WDFY4: variants seen among roughly 807,000 people sequenced by gnomAD.
WDFY4 encodes the protein WD repeat- and FYVE domain-containing protein 4.
In WDFY4, 169 loss-of-function variants were observed where a neutral mutation model predicts 351.9. The observed-to-expected ratio is 0.48, with a 90% CI of 0.42 to 0.55. The LOEUF is 0.55. Among genes scored for constraint, WDFY4 ranks in the 20% least tolerant of loss-of-function variants. The probability of loss-of-function intolerance (pLI) is 0.00; values close to 1 mark genes in which losing one functional copy is unlikely to be tolerated. For synonymous variants in WDFY4, 1,622 were observed against 1,574.6 expected (o/e 1.03, Z -0.71); for missense variants, 3,803 against 3,935.6 (o/e 0.97, Z 0.90).
chr10:48,939,730 A>T (rs190495764), intron 47 of WDFY4, among the ~76,000 whole-genome samples: 7 of 152,232 alleles, frequency 4.6e-5, no homozygotes, highest in African/African-American at 9.6e-5. Flanking sequence ...CAATATTTTT[A>T]AAAAATAGAT....
At chr10:48,812,438 C>T (rs1215960146) in intron 30 of WDFY4, among the ~76,000 whole-genome samples, 1 of 152,142 alleles carries the variant, frequency 6.6e-6, no homozygotes, top group Non-Finnish European at 1.5e-5. Context: ...GATCCACCCT[C>T]CTTGGCCTCC....
chr10:48,786,926 T>G (rs1350923935), intron 20 of WDFY4, 56 bp downstream of exon 20: 1 of 1,461,096 alleles, frequency 6.8e-7, no homozygotes, highest in African/African-American at 1.4e-5. Context: ...TAAATGGACA[T>G]CCAGTTATTT....
In WDFY4 at chr10:48,715,900, C is replaced by T. The variant is rs2063894293; in HGVS notation, c.235-4111C>T. Among the ~76,000 whole-genome samples, 3 of 151,666 alleles carry T rather than the reference C, an allele frequency of 2.0e-5. No individual in the cohort carries two copies. The South Asian group carries it at 6.2e-4, about 32-fold the overall frequency. ...TCCTGACCTTGTGATCCACCTGCCT[C>T]GGCCTCCCAAAGTGCTGGGTTTACA... On this transcript the variant is annotated intron_variant, in intron 2 of 61. Transcript: ENST00000325239.
In WDFY4 at chr10:48,735,938, C is replaced by A; in HGVS notation, c.1746C>A (p.Cys582Ter). 6.4e-7 allele frequency: 1 copy of A among 1,551,762 alleles called. No individual in the cohort carries two copies. Among genetic ancestry groups the A allele is most frequent in the Non-Finnish European group, 8.7e-7 (1 of 1,147,020 alleles). The change falls in exon 11 of 62, where the codon TGC (cysteine) becomes TGA (stop). Residue 582 changes from cysteine (C) to a stop codon, truncating the protein, a stop_gained. Transcript: ENST00000325239. LOFTEE classifies it high-confidence loss of function. ...TCAAGATCTTCCTGGATGACGAGTG[C>A]TACCGGGAGGCCTCGCTCAGCATCT... The part of the protein sequence containing the change: ...PFIKIFLDDE[C>*]YREASLSILE...
rs144281484 is a variant in WDFY4 at position 48,881,198 on chromosome 10, G to A, written c.7167+3999G>A. On this transcript the variant is annotated intron_variant, in intron 43 of 61. Transcript: ENST00000325239. ...TTGCTGTTCCTTTCATAGCCCCATAGGATTTGTTCTCACTCTCCCAGAAGT... is the reference window on the plus strand; with the variant it reads ...TTGCTGTTCCTTTCATAGCCCCATAAGATTTGTTCTCACTCTCCCAGAAGT... 3.9e-5 allele frequency among the ~76,000 whole-genome samples: 6 copies of A among 152,348 alleles called. No individual in the cohort carries two copies. The East Asian group carries it at 1.2e-3, about 29-fold the overall frequency.
intron 20 of WDFY4, among the ~76,000 whole-genome samples, chr10:48,787,933 CTTCTTCTTCTTCTTCTT>C (rs2066518675): frequency 7.4e-5 from 7 of 93,984 alleles, no homozygotes; most frequent in South Asian, 8.1e-4. Flanking sequence ...TCTTCTTCTT[CTTCTTCTTCTTCTTCTT>C]CTTCTTCTTC....
intron 12 of WDFY4, among the ~76,000 whole-genome samples, chr10:48,748,825 C>T (rs368900088): frequency 2.0e-5 from 3 of 152,150 alleles, no homozygotes; most frequent in Non-Finnish European, 4.4e-5. Flanking sequence ...ACAGGGTGCT[C>T]GTCTCTGCCG....
rs1056457478 is a variant in WDFY4, at chr10:48,966,597, C to T, written c.8508C>T (p.Pro2836=). The part of the protein sequence containing the change: ...KPLPGKDVST[P]VSLPGHPQPF... Reference sequence around the variant, plus strand: ...TGCCTGGAAAGGATGTCTCCACCCCCGTGAGCCTGCCTGGCCACCCACAGC... The same window carrying T: ...TGCCTGGAAAGGATGTCTCCACCCCTGTGAGCCTGCCTGGCCACCCACAGC... Residue 2836 remains proline (P), a synonymous_variant, in exon 55 of 62, where the codon CCC becomes CCT. Coordinates refer to ENST00000325239, the MANE Select transcript of WDFY4 (RefSeq NM_001394531.1). 15 of 1,551,898 alleles carry T rather than the reference C, an allele frequency of 9.7e-6. No individual in the cohort carries two copies. Among genetic ancestry groups the T allele is most frequent in the Admixed American group, 3.9e-5 (2 of 50,992 alleles).
chr10:48,689,175 C>T (rs1391063490), intron 1 of WDFY4, among the ~76,000 whole-genome samples: 1 of 152,154 alleles, frequency 6.6e-6, no homozygotes, highest in Non-Finnish European at 1.5e-5. Flanking sequence ...GAGCTGCTAC[C>T]CGTTTTATTT....
chr10:48,731,503 G>A lies in WDFY4; in HGVS notation c.1523G>A (p.Gly508Glu). ...TTCACCGACATCTTCCGGGACTCAGGGCTCCTGGGCCTGCTACTGGCACAG... is the reference window on the plus strand; with the variant it reads ...TTCACCGACATCTTCCGGGACTCAGAGCTCCTGGGCCTGCTACTGGCACAG... ...PLFTDIFRDS[G>E]LLGLLLAQLR... The change falls in exon 9 of 62, where the codon GGG becomes GAG. Residue 508 changes from glycine to glutamate, a missense_variant. This residue lies in a region of WDFY4 where 261 missense variants were observed against 330.2 expected (regional missense o/e 0.79). Coordinates refer to ENST00000325239, the MANE Select transcript of WDFY4 (RefSeq NM_001394531.1). The A allele has an allele frequency of 6.4e-7, 1 of 1,551,554 alleles. No individual in the cohort carries two copies.
chr10:48,780,516 A>G (rs2066184990), intron 19 of WDFY4, among the ~76,000 whole-genome samples: 1 of 152,236 alleles, frequency 6.6e-6, no homozygotes, highest in Admixed American at 6.5e-5. Context: ...AGGCCAACGC[A>G]GCTCATCTTT....
intron 1 of WDFY4, among the ~76,000 whole-genome samples, chr10:48,687,974 G>A (rs982852907): frequency 4.6e-5 from 7 of 152,000 alleles, no homozygotes; most frequent in African/African-American, 1.7e-4. Flanking sequence ...GTAGGGATGG[G>A]GTTTCACTGT....
chr10:48,976,753 G>T, intron 58 of WDFY4, 44 bp from the exon 59 acceptor site: 1 of 1,306,064 alleles, frequency 7.7e-7, no homozygotes, highest in South Asian at 2.4e-5. Flanking sequence ...CTGATGGGCA[G>T]GCAGTGACTC....
chr10:48,852,974 A>C (rs1278581045), intron 39 of WDFY4, among the ~76,000 whole-genome samples: 1 of 152,280 alleles, frequency 6.6e-6, no homozygotes, highest in South Asian at 2.1e-4. Flanking sequence ...CTCGTCTGAA[A>C]TGATTCTTGC....
intron 47 of WDFY4, among the ~76,000 whole-genome samples, chr10:48,923,734 T>C (rs2133609079): frequency 6.6e-6 from 1 of 152,036 alleles, no homozygotes; most frequent in East Asian, 1.9e-4. Context: ...GTTGAAATAG[T>C]TCAAATCTAG....
intron 1 of WDFY4, among the ~76,000 whole-genome samples, chr10:48,689,963 CT>C (rs1319380734): frequency 6.6e-6 from 1 of 152,212 alleles, no homozygotes; most frequent in Non-Finnish European, 1.5e-5. Flanking sequence ...GGATTTGATC[CT>C]AGTTCCACCT....
intron 60 of WDFY4, chr10:48,978,671 G>T: frequency 2.9e-6 from 1 of 345,488 alleles, no homozygotes; most frequent in Non-Finnish European, 5.3e-6. Context: ...ATGAACACAG[G>T]TACAAACCTC....
At chr10:48,878,746 C>G (rs2070129301) in intron 43 of WDFY4, 1 of 152,798 alleles carries the variant, frequency 6.5e-6, no homozygotes, top group Admixed American at 6.5e-5. Flanking sequence ...TGTGTCGCCC[C>G]CTGCATCACC....
intron 39 of WDFY4, among the ~76,000 whole-genome samples, chr10:48,842,651 C>T (rs1407899624): frequency 6.6e-6 from 1 of 152,200 alleles, no homozygotes; most frequent in African/African-American, 2.4e-5. Context: ...CCTACCTCAG[C>T]TAGTTGATAA....
Sources: gnomAD v4.1 joint callset for allele counts (sites outside exome capture counted in the v4.1 genomes callset) on GRCh38, gnomAD v4.1.1 for gene constraint, gnomAD v4.1.1 regional missense constraint, MANE v1.5 for transcripts, NCBI Gene and HGNC (gene_info 2026-07-23, HGNC 2026-07-21) for gene names.